The following PLCXD3 variants were observed in gnomAD, a reference collection of about 807,000 sequenced individuals.
PLCXD3 encodes the protein PI-PLC X domain-containing protein 3.
Under a neutral mutation model 25.5 loss-of-function variants are expected in PLCXD3, and 19 were observed. The observed-to-expected ratio is 0.75, with a 90% CI of 0.52 to 1.09. The LOEUF (loss-of-function observed/expected upper bound fraction) is 1.09. Ranked by LOEUF, PLCXD3 falls within the 50% of genes least tolerant of loss-of-function variation. The pLI is 0.00. For synonymous variants in PLCXD3, 174 were observed against 137.6 expected, an observed-to-expected ratio of 1.26 and a Z score of -1.85; for missense variants, 411 against 388.1, an observed-to-expected ratio of 1.06 and a Z score of -0.50.
intron 2 of PLCXD3, among the ~76,000 whole-genome samples, chr5:41,363,663 A>T (rs1398850392): frequency 2.0e-5 from 3 of 152,108 alleles, no homozygotes; most frequent in African/African-American, 7.2e-5. Context: ...CTAGATTTTG[A>T]CTCCAAAGAG....
chr5:41,419,197 G>A (rs910375058), intron 1 of PLCXD3, among the ~76,000 whole-genome samples: 60 of 152,140 alleles, frequency 3.9e-4, no homozygotes, highest in Admixed American at 2.0e-4. Context: ...ATAGGAAGAT[G>A]TAGCCAGCAG....
intron 1 of PLCXD3, among the ~76,000 whole-genome samples, chr5:41,433,556 C>A (rs1042949284): frequency 1.3e-5 from 2 of 152,144 alleles, no homozygotes; most frequent in African/African-American, 4.8e-5. Context: ...TTCTCAGTAA[C>A]CTCTGAGAGC....
chr5:41,394,562 A>G (rs1232582691), intron 1 of PLCXD3, among the ~76,000 whole-genome samples: 1 of 152,136 alleles, frequency 6.6e-6, no homozygotes, highest in East Asian at 1.9e-4. Context: ...TCTGTTGCCT[A>G]CAAGAAACAC....
At chr5:41,387,318 T>C (rs898890278) in intron 1 of PLCXD3, among the ~76,000 whole-genome samples, 4 of 152,062 alleles carry the variant, frequency 2.6e-5, no homozygotes, top group Non-Finnish European at 4.4e-5. Flanking sequence ...TCTAGCATGA[T>C]CCTGAGCAGA....
chr5:41,444,230 G>T (rs1385185042), intron 1 of PLCXD3, among the ~76,000 whole-genome samples: 1 of 152,150 alleles, frequency 6.6e-6, no homozygotes, highest in Non-Finnish European at 1.5e-5. Flanking sequence ...ACAGATTAGG[G>T]TTTGTTGACA....
chr5:41,488,183 G>T (rs1366559361), intron 1 of PLCXD3, among the ~76,000 whole-genome samples: 4 of 150,164 alleles, frequency 2.7e-5, no homozygotes, highest in East Asian at 4.0e-4. Flanking sequence ...TGTTTGTTTG[G>T]TTTTTTGTTC....
chr5:41,332,662 C>T (rs1196070488), intron 2 of PLCXD3, among the ~76,000 whole-genome samples: 3 of 152,014 alleles, frequency 2.0e-5, no homozygotes, highest in South Asian at 2.1e-4. Context: ...TATTGCGGCA[C>T]TATTCACAAT....
intron 2 of PLCXD3, among the ~76,000 whole-genome samples, chr5:41,337,447 C>T (rs1744017767): frequency 6.6e-6 from 1 of 152,138 alleles, no homozygotes; most frequent in Non-Finnish European, 1.5e-5. Flanking sequence ...GTGTACAGTA[C>T]TCTGTTCAGC....
intron 2 of PLCXD3, among the ~76,000 whole-genome samples, chr5:41,338,894 A>C (rs1459903990): frequency 4.6e-5 from 7 of 152,112 alleles, no homozygotes; most frequent in African/African-American, 1.7e-4. Flanking sequence ...TAACCGGAAA[A>C]TAATGCAATG....
chr5:41,505,312 T>C (rs945256741), intron 1 of PLCXD3, among the ~76,000 whole-genome samples: 13 of 152,170 alleles, frequency 8.5e-5, no homozygotes, highest in African/African-American at 3.1e-4. Flanking sequence ...TTATAAACTG[T>C]TATATATGCT....
chr5:41,491,526 C>A (rs1310957361), intron 1 of PLCXD3, among the ~76,000 whole-genome samples: 1 of 152,176 alleles, frequency 6.6e-6, no homozygotes, highest in African/African-American at 2.4e-5. Flanking sequence ...CTAACGTCGA[C>A]AGTGGGGTGT....
chr5:41,348,105 T>C (rs763395617), intron 2 of PLCXD3, among the ~76,000 whole-genome samples: 4 of 152,232 alleles, frequency 2.6e-5, no homozygotes, highest in Admixed American at 6.5e-5. Context: ...GAATTCCTTA[T>C]TGTAAAATGC....
chr5:41,443,517 T>C (rs1747428628), intron 1 of PLCXD3, among the ~76,000 whole-genome samples: 3 of 152,202 alleles, frequency 2.0e-5, no homozygotes, highest in African/African-American at 7.2e-5. Flanking sequence ...TTATTGTCTA[T>C]ATACATATAA....
chr5:41,459,255 C>T (rs181320958), intron 1 of PLCXD3, among the ~76,000 whole-genome samples: 1 of 151,842 alleles, frequency 6.6e-6, no homozygotes, highest in East Asian at 1.9e-4. Flanking sequence ...TTGATTCTTC[C>T]TAATATAAAT....
At chr5:41,349,362 C>T (rs10038183) in intron 2 of PLCXD3, among the ~76,000 whole-genome samples, 4,366 of 152,190 alleles carry the variant, frequency 0.029, 199 homozygotes, top group African/African-American at 0.099. Flanking sequence ...TCAAACAGCT[C>T]CTATGGAGGA....
intron 2 of PLCXD3, among the ~76,000 whole-genome samples, chr5:41,318,427 A>C (rs1241579748): frequency 1.3e-5 from 2 of 152,186 alleles, no homozygotes; most frequent in African/African-American, 4.8e-5. Context: ...AAGTAGAAAC[A>C]ACAAAATGTT....
intron 2 of PLCXD3, among the ~76,000 whole-genome samples, chr5:41,370,126 T>C (rs1479056926): frequency 6.6e-6 from 1 of 152,156 alleles, no homozygotes; most frequent in Non-Finnish European, 1.5e-5. Flanking sequence ...AAAGAATATT[T>C]TAAAGGAAAA....
chr5:41,509,901 C>A (rs961580784), intron 1 of PLCXD3, among the ~76,000 whole-genome samples: 1 of 152,176 alleles, frequency 6.6e-6, no homozygotes, highest in Non-Finnish European at 1.5e-5. Context: ...CATCACTCTT[C>A]GGGAAGCGCT....
chr5:41,509,545 T>G (rs1205905009), intron 1 of PLCXD3, among the ~76,000 whole-genome samples: 1 of 152,142 alleles, frequency 6.6e-6, no homozygotes, highest in East Asian at 1.9e-4. Context: ...ATCCCTCAGG[T>G]CTCTTCCTCG....
Sources: allele counts gnomAD v4.1 joint callset (sites outside exome capture counted in the v4.1 genomes callset), GRCh38; gene constraint gnomAD v4.1.1; transcripts MANE v1.5; gene names NCBI Gene and HGNC (gene_info 2026-07-23, HGNC 2026-07-21).